CNTN4: variants seen among roughly 807,000 people sequenced by gnomAD.
CNTN4 encodes the protein contactin 4.
In CNTN4, 77 loss-of-function variants were observed where a neutral mutation model predicts 122.5. The observed-to-expected ratio is 0.63, with a 90% CI of 0.52 to 0.76. The LOEUF (loss-of-function observed/expected upper bound fraction) is 0.76, where lower values mean the gene tolerates loss of function less well. Ranked by LOEUF, CNTN4 falls within the 30% of genes least tolerant of loss-of-function variation. The pLI, the probability that CNTN4 is intolerant of heterozygous loss-of-function variation, is 0.00. For missense variants in CNTN4, 1,256 were observed against 1,259.1 expected, an observed-to-expected ratio of 1.00 and a Z score of 0.04; for synonymous variants, 512 against 447.0, an observed-to-expected ratio of 1.15 and a Z score of -1.83.
chr3:2,518,111 T>C (rs965443851), intron 3 of CNTN4, among the ~76,000 whole-genome samples: 1 of 151,922 alleles, frequency 6.6e-6, no homozygotes, highest in African/African-American at 2.4e-5. Context: ...GTACCTTTTG[T>C]GGCATGTGAG....
intron 2 of CNTN4, among the ~76,000 whole-genome samples, chr3:2,222,131 A>C (rs2039084296): frequency 6.6e-6 from 1 of 152,188 alleles, no homozygotes. Context: ...CATAGTTGCC[A>C]AAAAGTGGAA....
chr3:2,303,784 A>G (rs2042607796), intron 2 of CNTN4, among the ~76,000 whole-genome samples: 1 of 152,168 alleles, frequency 6.6e-6, no homozygotes, highest in Non-Finnish European at 1.5e-5. Context: ...TCTGAGTCCC[A>G]CAGGCGCCTC....
intron 2 of CNTN4, among the ~76,000 whole-genome samples, chr3:2,287,550 C>G (rs896407628): frequency 1.5e-4 from 22 of 150,954 alleles, no homozygotes. Flanking sequence ...CTGCAGTGAG[C>G]TGTGATTGTG....
At chr3:2,430,895 G>A (rs985775171) in intron 3 of CNTN4, among the ~76,000 whole-genome samples, 5 of 152,146 alleles carry the variant, frequency 3.3e-5, no homozygotes, top group African/African-American at 1.2e-4. Context: ...CAGCTCATGG[G>A]TCTTCCAAGT....
chr3:2,256,188 T>C (rs1011065491), intron 2 of CNTN4, among the ~76,000 whole-genome samples: 1 of 152,144 alleles, frequency 6.6e-6, no homozygotes, highest in African/African-American at 2.4e-5. Context: ...CGAGAAAATC[T>C]GGAAGAAATG....
intron 3 of CNTN4, among the ~76,000 whole-genome samples, chr3:2,561,697 G>A (rs576514053): frequency 1.3e-5 from 2 of 152,292 alleles, no homozygotes; most frequent in Non-Finnish European, 2.9e-5. Flanking sequence ...AGAGGAAAGT[G>A]AGGCTAACAG....
chr3:2,913,053 G>A (rs1385517891), intron 12 of CNTN4, among the ~76,000 whole-genome samples: 1 of 152,170 alleles, frequency 6.6e-6, no homozygotes, highest in African/African-American at 2.4e-5. Flanking sequence ...TCAGCAGGCT[G>A]AGGCAGGAGA....
intron 2 of CNTN4, among the ~76,000 whole-genome samples, chr3:2,191,214 A>T (rs1575044689): frequency 6.6e-6 from 1 of 150,908 alleles, no homozygotes; most frequent in Admixed American, 6.6e-5. Context: ...GACTACAGGC[A>T]CGTGGAACCA....
Position 2,553,966 on chromosome 3 carries a change from A to G in CNTN4, c.-88-17450A>G, listed in dbSNP as rs1046333469. Among the ~76,000 whole-genome samples, 8 of 152,164 alleles carry G rather than the reference A, an allele frequency of 5.3e-5. No homozygotes were observed. The South Asian group carries it at 6.2e-4, about 12-fold the overall frequency. ...CTCATTTTTACCAGGAGTTAAAGCT[A>G]TGTGTTTTCTGTAACTACCAAACTG... On this transcript the variant is annotated intron_variant, in intron 3 of 24. Transcript: ENST00000418658.
In CNTN4 at chr3:2,736,213, A is replaced by C. The variant is rs1320667037; in HGVS notation, c.56-2A>C. On this transcript the variant is annotated splice_acceptor_variant, in intron 4 of 24. Coordinates refer to ENST00000418658, the MANE Select transcript of CNTN4 (RefSeq NM_175607.3). LOFTEE classifies it high-confidence loss of function. ...TTTGGACATTTTCTCTTCTCATTTC[A>C]GATGATTCCACACTGCATGGCCCGA... 1.2e-6 allele frequency: 2 copies of C among 1,613,034 alleles called. No individual in the cohort carries two copies. The highest frequency in any genetic ancestry group is 2.7e-5 in the African/African-American group (2 of 74,862).
intron 2 of CNTN4, among the ~76,000 whole-genome samples, chr3:2,217,969 A>G (rs1167152158): frequency 1.3e-5 from 2 of 152,222 alleles, no homozygotes. Context: ...GTCAAGTAAC[A>G]GATAAATAAC....
chr3:2,492,216 G>T (rs2076338301), intron 3 of CNTN4, among the ~76,000 whole-genome samples: 1 of 152,294 alleles, frequency 6.6e-6, no homozygotes, highest in Non-Finnish European at 1.5e-5. Flanking sequence ...GATGTAAAAG[G>T]TGGCACATGT....
At chr3:2,564,609 G>A (rs916792181) in intron 3 of CNTN4, among the ~76,000 whole-genome samples, 2 of 152,070 alleles carry the variant, frequency 1.3e-5, no homozygotes, top group African/African-American at 4.8e-5. Context: ...TATTCATGAG[G>A]AAACTTGTCC....
intron 4 of CNTN4, among the ~76,000 whole-genome samples, chr3:2,604,700 T>C (rs2081186539): frequency 6.6e-6 from 1 of 152,302 alleles, no homozygotes; most frequent in Non-Finnish European, 1.5e-5. Flanking sequence ...GATTTACATA[T>C]AAAAAGCTGT....
At chr3:2,942,989 C>T (rs570585539) in intron 13 of CNTN4, among the ~76,000 whole-genome samples, 15 of 152,062 alleles carry the variant, frequency 9.9e-5, no homozygotes, top group South Asian at 6.2e-4. Flanking sequence ...TGTATAAGGA[C>T]GGATTAGAAG....
chr3:2,136,399 A>G lies in CNTN4; in HGVS notation c.-145+35760A>G, dbSNP rs531809946. Among the ~76,000 whole-genome samples the G allele has an allele frequency of 9.2e-5, 14 of 152,304 alleles. No homozygotes were observed. In the South Asian group the frequency reaches 2.3e-3, roughly 25 times the overall value. On this transcript the variant is annotated intron_variant, in intron 2 of 24. Coordinates refer to ENST00000418658, the MANE Select transcript of CNTN4 (RefSeq NM_175607.3). ...AACAAATTACTAAAAGATACACTGA[A>G]TTATTAGGAGAAACTGTCCAATTAG...
intron 3 of CNTN4, among the ~76,000 whole-genome samples, chr3:2,491,305 G>C (rs546326692): frequency 6.6e-6 from 1 of 152,250 alleles, no homozygotes; most frequent in South Asian, 2.1e-4. Context: ...AATTACACAA[G>C]AGTAATAGAT....
intron 2 of CNTN4, among the ~76,000 whole-genome samples, chr3:2,248,928 C>T (rs540706336): frequency 1.1e-4 from 17 of 151,930 alleles, no homozygotes; most frequent in Admixed American, 9.2e-4. Flanking sequence ...AATGCAGATA[C>T]GAAAGGTATT....
intron 2 of CNTN4, among the ~76,000 whole-genome samples, chr3:2,201,240 C>A (rs1214355581): frequency 6.6e-6 from 1 of 152,104 alleles, no homozygotes. Context: ...TAACTCTTAC[C>A]TGTAATTAGC....
Sources: allele counts gnomAD v4.1 joint callset (sites outside exome capture counted in the v4.1 genomes callset), GRCh38; gene constraint gnomAD v4.1.1; transcripts MANE v1.5; gene names NCBI Gene and HGNC (gene_info 2026-07-23, HGNC 2026-07-21).